EIF2AK3: variants seen among roughly 807,000 people sequenced by gnomAD.
EIF2AK3 encodes eukaryotic translation initiation factor 2-alpha kinase 3.
In EIF2AK3, 50 loss-of-function variants were observed where a neutral mutation model predicts 113.5. The ratio of observed to expected loss-of-function variants is 0.44; its 90% confidence interval spans 0.35 to 0.56. EIF2AK3 has a LOEUF of 0.56. EIF2AK3 is among the 20% of genes least tolerant of loss of function. The probability of loss-of-function intolerance (pLI) is 0.00; values close to 1 mark genes in which losing one functional copy is unlikely to be tolerated. For missense variants in EIF2AK3, 1,185 were observed against 1,378.0 expected, an observed-to-expected ratio of 0.86 and a Z score of 2.22; for synonymous variants, 448 against 495.4, an observed-to-expected ratio of 0.90 and a Z score of 1.27.
intron 2 of EIF2AK3, among the ~76,000 whole-genome samples, chr2:88,610,988 C>G (rs1290273567): frequency 1.3e-5 from 2 of 152,132 alleles, no homozygotes; most frequent in Non-Finnish European, 2.9e-5. Context: ...GGATTCAAGG[C>G]TGCAGAGAGA....
At chr2:88,575,523 A>G (rs1674436188) in intron 12 of EIF2AK3, 77 bp from the exon 13 acceptor site, 1 of 1,525,818 alleles carries the variant, frequency 6.6e-7, no homozygotes, top group Admixed American at 1.7e-5. Context: ...CCTCTGTTTA[A>G]AAAGCTTCAA....
chr2:88,604,211 T>C (rs1675217566), intron 2 of EIF2AK3, among the ~76,000 whole-genome samples: 2 of 152,140 alleles, frequency 1.3e-5, no homozygotes, highest in South Asian at 2.1e-4. Flanking sequence ...CTGGAATGTC[T>C]AACATAGCTT....
chr2:88,596,172 CAGGTTT>C (rs1675014980), intron 2 of EIF2AK3, among the ~76,000 whole-genome samples: 1 of 152,162 alleles, frequency 6.6e-6, no homozygotes, highest in Admixed American at 6.5e-5. Context: ...CCAAGGAACA[CAGGTTT>C]AGAGATACTG....
rs1675873496 is a variant in EIF2AK3, at chr2:88,626,840, C to T, written c.308+127G>A. 7 of 1,299,242 alleles carry T rather than the reference C, an allele frequency of 5.4e-6. No individual in the cohort carries two copies. The Admixed American group carries it at 1.3e-4, about 25-fold the overall frequency. The allele number at this position is 1,299,242 out of a possible 1,614,324, so 80.5% of individuals were successfully genotyped here. A position where few individuals can be genotyped will look rare whatever the true frequency, so the allele number is the denominator to read the frequency against. The stretch of plus-strand genomic sequence containing the variant: ...CGTGGCCCCGCGCTCGTCCCCAGGT[C>T]GCCAGCTGCCCTCCGCAGCCGAGGG... On this transcript the variant is annotated intron_variant, in intron 1 of 16. Coordinates refer to ENST00000303236, the MANE Select transcript of EIF2AK3 (RefSeq NM_004836.7).
intron 3 of EIF2AK3, among the ~76,000 whole-genome samples, 167 bp downstream of exon 3, chr2:88,595,302 T>C (rs1444280193): frequency 6.6e-6 from 1 of 152,090 alleles, no homozygotes; most frequent in African/African-American, 2.4e-5. Context: ...ATTTATTCTG[T>C]TATTAGTTTC....
At chr2:88,593,244 C>A (rs372086511) in intron 4 of EIF2AK3, 28 bp downstream of exon 4, 65 of 1,613,560 alleles carry the variant, frequency 4.0e-5, no homozygotes, top group Non-Finnish European at 5.2e-5. Context: ...CTAAATAATA[C>A]CAACAGCAAC....
intron 10 of EIF2AK3, among the ~76,000 whole-genome samples, chr2:88,581,972 A>T (rs1358966109): frequency 6.6e-6 from 1 of 152,110 alleles, no homozygotes; most frequent in Non-Finnish European, 1.5e-5. Flanking sequence ...ATATTATAGC[A>T]TGGTTTCTCC....
chr2:88,575,243 T>G lies in EIF2AK3; in HGVS notation c.2240A>C (p.Asp747Ala). ...CACTGACTCACTGATGTCCTCATGG[T>G]CCATTCCTGAGAATTCCAGTGGTGA... ...QFSPLEFSGM[D>A]HEDISESVDA... The change falls in exon 13 of 17, where the codon GAC (aspartate) becomes GCC (alanine). Residue 747 changes from aspartate (D) to alanine (A), a missense_variant. This residue lies in a region of EIF2AK3 where 877 missense variants were observed against 1,024.2 expected (regional missense o/e 0.86). Transcript: ENST00000303236. 1 of 1,613,830 alleles carries G rather than the reference T, an allele frequency of 6.2e-7. No homozygotes were observed. The highest frequency in any genetic ancestry group is 1.1e-5 in the South Asian group (1 of 91,074).
chr2:88,599,495 C>T (rs1403913534), intron 2 of EIF2AK3, among the ~76,000 whole-genome samples: 1 of 151,504 alleles, frequency 6.6e-6, no homozygotes, highest in Non-Finnish European at 1.5e-5. Context: ...TTTTGAGTTA[C>T]ATATCAGATA....
intron 2 of EIF2AK3, among the ~76,000 whole-genome samples, chr2:88,604,238 C>T (rs1675218060): frequency 6.6e-6 from 1 of 152,198 alleles, no homozygotes; most frequent in Non-Finnish European, 1.5e-5. Flanking sequence ...CCCTGCATAA[C>T]CTGATCCTGG....
rs574394409 is a variant in EIF2AK3, at chr2:88,598,817, G to A, written c.439-3154C>T. Among the ~76,000 whole-genome samples, 210 of 152,252 alleles carry A rather than the reference G, an allele frequency of 1.4e-3. 2 individuals are homozygous for A. The South Asian group carries it at 0.023, about 17-fold the overall frequency. ...TTATAACTTTTGTAGTTATGTAAGA[G>A]AATATCTCTATTAGGAAATATACAC... On this transcript the variant is annotated intron_variant, in intron 2 of 16. Coordinates refer to ENST00000303236, the MANE Select transcript of EIF2AK3 (RefSeq NM_004836.7).
At chr2:88,581,999 A>C (rs540147840) in intron 10 of EIF2AK3, among the ~76,000 whole-genome samples, 1 of 152,208 alleles carries the variant, frequency 6.6e-6, no homozygotes, top group Non-Finnish European at 1.5e-5. Flanking sequence ...CAGTATTTAC[A>C]GGTCCAGGGA....
Position 88,559,057 on chromosome 2 carries a change from A to C in EIF2AK3, c.3088-78T>G. On this transcript the variant is annotated intron_variant, in intron 15 of 16. Transcript: ENST00000303236. ...AAATATTTTTTGATACTCTAACAAA[A>C]TGACTAAGAGGTTGTACATCTATCA... 3 of 971,616 alleles carry C rather than the reference A, an allele frequency of 3.1e-6. No homozygotes were observed. The South Asian group carries it at 4.2e-5, about 14-fold the overall frequency. 60.2% of individuals were successfully genotyped at this position (971,616 alleles called of 1,614,324 possible).
At chr2:88,614,908 T>A (rs1205812602) in intron 1 of EIF2AK3, among the ~76,000 whole-genome samples, 1 of 152,166 alleles carries the variant, frequency 6.6e-6, no homozygotes, top group Non-Finnish European at 1.5e-5. Flanking sequence ...CTATCCTCAC[T>A]TTAATTAACG....
chr2:88,610,683 AT>A (rs1675432624), intron 2 of EIF2AK3, among the ~76,000 whole-genome samples: 1 of 152,254 alleles, frequency 6.6e-6, no homozygotes, highest in Non-Finnish European at 1.5e-5. Context: ...ATTAAAGAAT[AT>A]AGTTATTATT....
chr2:88,586,228 T>C (rs1002447722), intron 8 of EIF2AK3, among the ~76,000 whole-genome samples, 167 bp from the exon 9 acceptor site: 3 of 152,170 alleles, frequency 2.0e-5, no homozygotes, highest in African/African-American at 7.2e-5. Context: ...CTCATTTTTC[T>C]CCCGTAAATA....
At chr2:88,615,674 A>G (rs1573422885) in intron 1 of EIF2AK3, among the ~76,000 whole-genome samples, 1 of 152,210 alleles carries the variant, frequency 6.6e-6, no homozygotes, top group East Asian at 1.9e-4. Flanking sequence ...GCAGCATTCA[A>G]ACCTGCTACT....
At chr2:88,585,261 T>C (rs1238689711) in intron 9 of EIF2AK3, among the ~76,000 whole-genome samples, 1 of 151,938 alleles carries the variant, frequency 6.6e-6, no homozygotes, top group Non-Finnish European at 1.5e-5. Context: ...ATGGCTTTCG[T>C]GACTGCATAC....
chr2:88,586,112 C>T (rs1226386337), intron 8 of EIF2AK3, 51 bp from the exon 9 acceptor site: 2 of 1,422,808 alleles, frequency 1.4e-6, no homozygotes, highest in East Asian at 2.3e-5. Flanking sequence ...CAAAAATAGG[C>T]CCGTCTTTAA....
Sources: allele counts gnomAD v4.1 joint callset (sites outside exome capture counted in the v4.1 genomes callset), GRCh38; gene constraint gnomAD v4.1.1; regional missense constraint gnomAD v4.1.1; transcripts MANE v1.5; gene names NCBI Gene and HGNC (gene_info 2026-07-23, HGNC 2026-07-21).